C1orf141: variants seen among roughly 807,000 people sequenced by gnomAD.
C1orf141 encodes chromosome 1 open reading frame 141.
A neutral mutation model predicts 23.2 loss-of-function variants in C1orf141; 19 were observed. The ratio of observed to expected loss-of-function variants is 0.82; its 90% CI spans 0.57 to 1.20. C1orf141 has a LOEUF of 1.20. C1orf141 is among the 50% of genes most tolerant of loss of function. The pLI, the probability that C1orf141 is intolerant of heterozygous loss-of-function variation, is 0.00. For missense variants in C1orf141, 469 were observed against 455.1 expected (o/e 1.03, Z -0.28); for synonymous variants, 153 against 154.6 (o/e 0.99, Z 0.08).
rs779025520 is a variant in C1orf141, at chr1:67,093,357, A to C, written c.851T>G (p.Met284Arg). Residue 284 changes from methionine to arginine, a missense_variant, in exon 8 of 8, where the codon ATG (methionine) becomes AGG (arginine). Physicochemically the swap from Met to Arg is moderately conservative, Grantham distance 91. This residue lies in a region of C1orf141 where 370 missense variants were observed against 348.1 expected (regional missense o/e 1.06). Coordinates refer to ENST00000684719, the MANE Select transcript of C1orf141 (RefSeq NM_001276351.2). ...TVQRKDIQIPMSFKAGHTTVD... is the reference protein window; with the variant it reads ...TVQRKDIQIPRSFKAGHTTVD... ...AGTTGTGTGGCCCGCTTTAAAAGAC[A>C]TAGGGATCTGTATATCTTTTCTCTG... 2 of 1,613,868 alleles carry C rather than the reference A, an allele frequency of 1.2e-6. No homozygotes were observed. Among genetic ancestry groups the C allele is most frequent in the Admixed American group, 1.7e-5 (1 of 59,938 alleles).
rs1306431176 is a variant in C1orf141 at position 67,125,797 on chromosome 1, G to A, written c.188C>T (p.Ser63Leu). Residue 63 changes from serine to leucine, a missense_variant, in exon 4 of 8, where the codon TCA becomes TTA. Ser to Leu is a moderately radical substitution (Grantham distance 145). This residue lies in a region of C1orf141 where 95 missense variants were observed against 90.3 expected (regional missense o/e 1.05). Transcript: ENST00000684719. ...ALATSASKAI[S>L]KIKEDKSCSI... Reference sequence around the variant, plus strand: ...GCATGACTTGTCTTCTTTGATCTTTGATATTGCCTTAGACGCGGATGTAGC... The same window carrying A: ...GCATGACTTGTCTTCTTTGATCTTTAATATTGCCTTAGACGCGGATGTAGC... The A allele has an allele frequency of 2.5e-6, 4 of 1,613,792 alleles. No individual in the cohort carries two copies. Among genetic ancestry groups the A allele is most frequent in the Non-Finnish European group, 3.4e-6 (4 of 1,179,878 alleles).
chr1:67,140,766 GATA>G (rs1413212455), intron 1 of C1orf141, among the ~76,000 whole-genome samples: 2 of 152,014 alleles, frequency 1.3e-5, no homozygotes, highest in African/African-American at 2.4e-5. Flanking sequence ...TTTAAAAGTT[GATA>G]ATAACATCTA....
Position 67,127,221 on chromosome 1 carries a change from T to C in C1orf141, c.20A>G (p.Glu7Gly). 1.2e-6 allele frequency: 2 copies of C among 1,608,036 alleles called. No homozygotes were observed. Among genetic ancestry groups the C allele is most frequent in the Non-Finnish European group, 8.5e-7 (1 of 1,177,538 alleles). The change falls in exon 3 of 8, where the codon GAG (glutamate) becomes GGG (glycine). Residue 7 changes from glutamate (E) to glycine (G), a missense_variant. Physicochemically the swap from Glu to Gly is moderately conservative, Grantham distance 98. Coordinates refer to ENST00000684719, the MANE Select transcript of C1orf141 (RefSeq NM_001276351.2). The stretch of plus-strand genomic sequence containing the variant: ...TTGCTTATCAAGGACATCCAACTTC[T>C]CTAGGATTTTTTCTGCCATTGTCAA... MAEKIL[E>G]KLDVLDKQAE...
At chr1:67,131,817 T>C (rs1484689530) in intron 1 of C1orf141, among the ~76,000 whole-genome samples, 2 of 133,392 alleles carry the variant, frequency 1.5e-5, no homozygotes, top group Non-Finnish European at 3.1e-5. Flanking sequence ...TGAGATGGAG[T>C]CTCGCAGTCT....
At chr1:67,113,368 T>G (rs1217424300) in intron 5 of C1orf141, among the ~76,000 whole-genome samples, 1 of 151,944 alleles carries the variant, frequency 6.6e-6, no homozygotes, top group Non-Finnish European at 1.5e-5. Context: ...TTTGTTTCTT[T>G]TCTTTCTTTT....
At chr1:67,109,391 A>G in intron 5 of C1orf141, among the ~76,000 whole-genome samples, 1 of 151,834 alleles carries the variant, frequency 6.6e-6, no homozygotes, top group Admixed American at 6.6e-5. Context: ...GAATCTGAGG[A>G]ACTGAGCAAA....
At chr1:67,116,811 C>T (rs1307523082) in intron 4 of C1orf141, among the ~76,000 whole-genome samples, 2 of 152,144 alleles carry the variant, frequency 1.3e-5, no homozygotes, top group East Asian at 1.9e-4. Flanking sequence ...AAGGGGTTGA[C>T]GTGGCCTACT....
chr1:67,135,616 G>A (rs1646578411), upstream of C1orf141, among the ~76,000 whole-genome samples: 1 of 152,060 alleles, frequency 6.6e-6, no homozygotes, highest in South Asian at 2.1e-4. Flanking sequence ...TCACTTGTGT[G>A]AGCAGAAAAT....
Position 67,133,925 on chromosome 1 carries a change from GC to G in C1orf141, c.-104+1004del, listed in dbSNP as rs1646554733. Among the ~76,000 whole-genome samples the G allele has an allele frequency of 2.6e-5, 4 of 152,222 alleles. No homozygotes were observed. In the South Asian group the frequency reaches 8.3e-4, roughly 31 times the overall value. ...ATGACAGTCCCAGCAAGCTAGTACA[GC>G]CCAGGCACTGAGAACTAATTTAAAA... On this transcript the variant is annotated intron_variant, in intron 1 of 7. Transcript: ENST00000684719.
chr1:67,114,929 G>C (rs1053612410), intron 5 of C1orf141, among the ~76,000 whole-genome samples: 5 of 152,242 alleles, frequency 3.3e-5, no homozygotes, highest in African/African-American at 1.2e-4. Flanking sequence ...ACCCGCCTCG[G>C]CCTCCCAAAG....
Position 67,125,775 on chromosome 1 carries a change from T to G in C1orf141, c.210A>C (p.Ser70=). 1 of 1,614,012 alleles carries G rather than the reference T, an allele frequency of 6.2e-7. No individual in the cohort carries two copies. Among genetic ancestry groups the G allele is most frequent in the Non-Finnish European group, 8.5e-7 (1 of 1,179,890 alleles). ...ACATTTTTGATTTTGTAATGCTGCA[T>G]GACTTGTCTTCTTTGATCTTTGATA... The part of the protein sequence containing the change: ...KAISKIKEDK[S]CSITKSKMHV... The change falls in exon 4 of 8, where the codon TCA becomes TCC. Residue 70 remains serine (S), a synonymous_variant. Transcript: ENST00000684719.
chr1:67,114,569 A>G (rs1252470337), intron 5 of C1orf141, among the ~76,000 whole-genome samples: 1 of 152,240 alleles, frequency 6.6e-6, no homozygotes, highest in African/African-American at 2.4e-5. Flanking sequence ...GAATTATGCA[A>G]TTGAATGATT....
chr1:67,095,919 C>T (rs80305593), intron 6 of C1orf141: 17,250 of 194,470 alleles, frequency 0.089, 1,283 homozygotes, highest in African/African-American at 0.22. Context: ...TTTCATTATA[C>T]AGAGATGGAA....
intron 1 of C1orf141, among the ~76,000 whole-genome samples, chr1:67,133,321 A>G (rs972706065): frequency 6.6e-6 from 1 of 152,168 alleles, no homozygotes; most frequent in Non-Finnish European, 1.5e-5. Context: ...TGGCTTTATC[A>G]GTTCAAATGC....
chr1:67,116,729 T>A (rs1646199997), intron 4 of C1orf141, among the ~76,000 whole-genome samples: 1 of 152,112 alleles, frequency 6.6e-6, no homozygotes, highest in Non-Finnish European at 1.5e-5. Context: ...TCTACCTGTT[T>A]GGTTCAGGGA....
intron 6 of C1orf141, 192 bp downstream of exon 6, chr1:67,096,060 T>C: frequency 2.6e-6 from 1 of 383,098 alleles, no homozygotes; most frequent in Non-Finnish European, 4.8e-6. Flanking sequence ...TTCCATGCCT[T>C]TCTCTCCATT....
At chr1:67,137,672 A>G (rs371190673), upstream of C1orf141, among the ~76,000 whole-genome samples, 15 of 152,334 alleles carry the variant, frequency 9.8e-5, no homozygotes, top group East Asian at 2.3e-3. Context: ...ATATGACTCA[A>G]GGTCTCCAGG....
chr1:67,093,325 C>G lies in C1orf141; in HGVS notation c.883G>C (p.Asp295His). 1.2e-6 allele frequency: 2 copies of G among 1,613,682 alleles called. No homozygotes were observed. Among genetic ancestry groups the G allele is most frequent in the Non-Finnish European group, 1.7e-6 (2 of 1,179,678 alleles). The change falls in exon 8 of 8, where the codon GAT becomes CAT. Residue 295 changes from aspartate (D) to histidine (H), a missense_variant. Around this residue, in one of 3 missense-constraint regions of C1orf141, gnomAD observed 370 missense variants for 348.1 expected, o/e 1.06. Coordinates refer to ENST00000684719, the MANE Select transcript of C1orf141 (RefSeq NM_001276351.2). The part of the protein sequence containing the change: ...SFKAGHTTVD[D>H]KLKKKTNKQT... The stretch of plus-strand genomic sequence containing the variant: ...TTATTAGTTTTCTTCTTTAGTTTAT[C>G]ATCTACAGTTGTGTGGCCCGCTTTA...
chr1:67,137,382 C>A (rs1006062604), upstream of C1orf141, among the ~76,000 whole-genome samples: 1 of 152,172 alleles, frequency 6.6e-6, no homozygotes, highest in African/African-American at 2.4e-5. Flanking sequence ...ACAGGTTACT[C>A]CCTAGCATTG....
Sources: allele counts gnomAD v4.1 joint callset (sites outside exome capture counted in the v4.1 genomes callset), GRCh38; gene constraint gnomAD v4.1.1; regional missense constraint gnomAD v4.1.1; transcripts MANE v1.5; gene names NCBI Gene and HGNC (gene_info 2026-07-23, HGNC 2026-07-21).